Variants in CELF2 observed in about 807,000 individuals in gnomAD.
CELF2 encodes CUGBP Elav-like family member 2.
CELF2 carries 8 observed loss-of-function variants against 62.6 expected under a neutral mutation model. The observed-to-expected ratio is 0.13, with a 90% confidence interval of 0.07 to 0.23. CELF2 has a LOEUF of 0.23. Ranked by LOEUF, CELF2 falls within the 10% of genes least tolerant of loss-of-function variation. The pLI, the probability that CELF2 is intolerant of heterozygous loss-of-function variation, is 1.00. For missense variants in CELF2, 333 were observed against 671.0 expected, an observed-to-expected ratio of 0.50 and a Z score of 5.56; for synonymous variants, 258 against 250.0, an observed-to-expected ratio of 1.03 and a Z score of -0.30.
chr10:10,834,279 G>A (rs911853040), intron 1 of CELF2, among the ~76,000 whole-genome samples: 4 of 152,336 alleles, frequency 2.6e-5, no homozygotes, highest in Non-Finnish European at 5.9e-5. Context: ...CGGACACATA[G>A]AGGGGAACAG....
chr10:10,464,461 A>G, the CELF2 span, among the ~76,000 whole-genome samples: 4 of 152,106 alleles, frequency 2.6e-5, no homozygotes, highest in South Asian at 6.2e-4. Flanking sequence ...ATTTCTTTAT[A>G]ATTTTATCAT....
the CELF2 span, among the ~76,000 whole-genome samples, chr10:10,508,793 C>T: frequency 2.0e-5 from 3 of 151,508 alleles, no homozygotes; most frequent in East Asian, 1.9e-4. Context: ...CCTCCGCCTC[C>T]GCCTTTCAAG....
intron 1 of CELF2, among the ~76,000 whole-genome samples, chr10:10,895,015 G>A (rs976404031): frequency 4.6e-5 from 7 of 152,088 alleles, no homozygotes; most frequent in East Asian, 1.9e-4. Flanking sequence ...TATATGCCTG[G>A]CACTGTACTG....
chr10:10,849,767 A>G (rs992041143), intron 1 of CELF2, among the ~76,000 whole-genome samples: 3 of 152,156 alleles, frequency 2.0e-5, no homozygotes, highest in South Asian at 2.1e-4. Context: ...AATAGTTTCT[A>G]TCTTTGTGCA....
At chr10:10,543,856 T>C in the CELF2 span, among the ~76,000 whole-genome samples, 31 of 152,286 alleles carry the variant, frequency 2.0e-4, no homozygotes, top group African/African-American at 7.0e-4. Flanking sequence ...CCATCTTGCA[T>C]TGACTCTGGA....
chr10:11,151,858 C>T (rs1397346028), intron 1 of CELF2, among the ~76,000 whole-genome samples: 3 of 152,196 alleles, frequency 2.0e-5, no homozygotes, highest in African/African-American at 7.2e-5. Context: ...TCCCACTCTG[C>T]CCTGAGTCTC....
intron 1 of CELF2, among the ~76,000 whole-genome samples, chr10:11,041,050 G>A (rs2061756364): frequency 6.6e-6 from 1 of 152,190 alleles, no homozygotes; most frequent in Admixed American, 6.5e-5. Context: ...ACATCAAGGT[G>A]CTGACACATT....
the CELF2 span, among the ~76,000 whole-genome samples, chr10:10,635,084 C>T: frequency 6.6e-6 from 1 of 152,114 alleles, no homozygotes; most frequent in Non-Finnish European, 1.5e-5. Flanking sequence ...CCTCTGCTTA[C>T]ATTTCATTTC....
In CELF2 at chr10:11,197,019, A is replaced by G. The variant is rs1450844508; in HGVS notation, c.272-20406A>G. Among the ~76,000 whole-genome samples, 14 of 10,750 alleles carry G rather than the reference A, an allele frequency of 1.3e-3. 1 individual carries two copies. Among genetic ancestry groups the G allele is most frequent in the African/African-American group, 4.8e-3 (14 of 2,938 alleles). 7.1% of individuals were successfully genotyped at this position (10,750 alleles called of 152,430 possible). A position where few individuals can be genotyped will look rare whatever the true frequency, so the allele number is the denominator to read the frequency against. On this transcript the variant is annotated intron_variant, in intron 2 of 12. Transcript: ENST00000633077. ...GAAGGAAGGAGAAAGAAAGAAAGAA[A>G]GAAAGAAAAGAAAGAAAGAAAGAAA...
At chr10:11,312,214 A>G (rs1297446498) in intron 9 of CELF2, among the ~76,000 whole-genome samples, 4 of 152,244 alleles carry the variant, frequency 2.6e-5, no homozygotes, top group African/African-American at 9.6e-5. Flanking sequence ...TGTAATTTTC[A>G]TACAAACCAA....
chr10:11,051,562 G>A (rs781133994), intron 1 of CELF2, among the ~76,000 whole-genome samples: 3 of 152,098 alleles, frequency 2.0e-5, no homozygotes, highest in Non-Finnish European at 4.4e-5. Flanking sequence ...ACAGTATGTT[G>A]AACACCTAAG....
chr10:10,861,720 G>A (rs1591300264), intron 1 of CELF2, among the ~76,000 whole-genome samples: 1 of 152,064 alleles, frequency 6.6e-6, no homozygotes, highest in Non-Finnish European at 1.5e-5. Context: ...AATTTTTTAA[G>A]TAAAAGTGTT....
At chr10:11,113,141 A>T (rs551289469) in intron 1 of CELF2, among the ~76,000 whole-genome samples, 2 of 152,256 alleles carry the variant, frequency 1.3e-5, no homozygotes, top group Admixed American at 1.3e-4. Flanking sequence ...GAGTGAATCA[A>T]TATCTTCTTA....
intron 1 of CELF2, among the ~76,000 whole-genome samples, chr10:11,054,714 T>C (rs934806495): frequency 7.2e-5 from 11 of 152,256 alleles, no homozygotes; most frequent in Admixed American, 3.3e-4. Flanking sequence ...AAAAAGACTT[T>C]CTTTTCTAGT....
rs764986686 is a variant in CELF2, at chr10:11,330,806, G to A, written c.*1753G>A. 6.6e-5 allele frequency: 10 copies of A among 152,236 alleles called. No homozygotes were observed. Among genetic ancestry groups the A allele is most frequent in the Non-Finnish European group, 1.0e-4 (7 of 67,976 alleles). The allele number at this position is 152,236 out of a possible 1,614,324, so 9.4% of individuals were successfully genotyped here. A position where few individuals can be genotyped will look rare whatever the true frequency, so the allele number is the denominator to read the frequency against. ...TTATACAGGGATTGGCATTCTTCCC[G>A]GTCACTGGTAACAATAGCAATATGT... On this transcript the variant is annotated 3_prime_UTR_variant, in exon 13 of 13. Transcript: ENST00000633077. This position sits in a 1 kb window ranked among gnomAD's most constrained non-coding sequence, Gnocchi z 4.5.
intron 1 of CELF2, among the ~76,000 whole-genome samples, chr10:11,082,489 A>T (rs1025506635): frequency 2.6e-5 from 4 of 152,136 alleles, no homozygotes; most frequent in African/African-American, 9.7e-5. Context: ...GCAGTAACTG[A>T]GTCCTTAGGA....
intron 1 of CELF2, among the ~76,000 whole-genome samples, chr10:10,809,797 C>A (rs1324693394): frequency 6.6e-6 from 1 of 152,072 alleles, no homozygotes; most frequent in African/African-American, 2.4e-5. Context: ...TGCTTCAAAT[C>A]AAATTATCAT....
At chr10:10,891,426 T>C (rs1302091542) in intron 1 of CELF2, among the ~76,000 whole-genome samples, 1 of 151,956 alleles carries the variant, frequency 6.6e-6, no homozygotes, top group East Asian at 1.9e-4. Context: ...TCATCATTAT[T>C]GTCATCAGCA....
At position 10,861,755 on chromosome 10, in the gene CELF2, G is replaced by A. The variant is rs2060057568; in HGVS notation, c.54-58209G>A. ...TCAAAGTTTATCTCTTGAAAATTCTGATTCCCCTAGATGATATGATTAAGG... is the reference window on the plus strand; with the variant it reads ...TCAAAGTTTATCTCTTGAAAATTCTAATTCCCCTAGATGATATGATTAAGG... On this transcript the variant is annotated intron_variant, in intron 1 of 13. Coordinates refer to the CELF2 transcript ENST00000636488. Among the ~76,000 whole-genome samples the A allele has an allele frequency of 1.3e-5, 2 of 152,134 alleles. 1 individual carries two copies. The highest frequency in any genetic ancestry group is 4.1e-4 in the South Asian group (2 of 4,830).
Sources: allele counts gnomAD v4.1 joint callset (sites outside exome capture counted in the v4.1 genomes callset), GRCh38; gene constraint gnomAD v4.1.1; non-coding constraint Gnocchi (gnomAD v3.1); transcripts MANE v1.5; gene names NCBI Gene and HGNC (gene_info 2026-07-23, HGNC 2026-07-21).